PCDH11X: variants seen among roughly 807,000 people sequenced by gnomAD.
The protein encoded by PCDH11X is protocadherin-11 X-linked.
PCDH11X carries 18 observed loss-of-function variants against 53.3 expected under a neutral mutation model. That is an observed-to-expected ratio of 0.34 (90% CI 0.23 to 0.50). The LOEUF (loss-of-function observed/expected upper bound fraction) is 0.50, where lower values mean the gene tolerates loss of function less well. Among genes scored for constraint, PCDH11X ranks in the 20% least tolerant of loss-of-function variants. PCDH11X has a pLI of 0.98. For missense variants in PCDH11X, 570 were observed against 1,032.4 expected (o/e 0.55, Z 6.14); for synonymous variants, 279 against 393.3 (o/e 0.71, Z 3.44).
At chrX:92,595,980 T>C (rs1308184676) in intron 10 of PCDH11X, among the ~76,000 whole-genome samples, 2 of 110,187 alleles carry the variant, frequency 1.8e-5, no homozygotes, top group African/African-American at 6.6e-5. Flanking sequence ...GTCTAGCCAA[T>C]CTGAAGTGCT....
At chrX:91,833,164 G>A (rs968290739) in intron 4 of PCDH11X, among the ~76,000 whole-genome samples, 1 of 104,935 alleles carries the variant, frequency 9.5e-6, no homozygotes, top group African/African-American at 3.5e-5. Flanking sequence ...ATACCTAAGG[G>A]TAAGATAAGA....
intron 8 of PCDH11X, among the ~76,000 whole-genome samples, chrX:92,371,008 C>T (rs1394258880): frequency 8.9e-6 from 1 of 111,745 alleles, no homozygotes; most frequent in African/African-American, 3.3e-5. Flanking sequence ...CTATTGCTTA[C>T]TATTAGCATA....
intron 6 of PCDH11X, among the ~76,000 whole-genome samples, chrX:92,166,862 C>T (rs2065741144): frequency 9.0e-6 from 1 of 111,393 alleles, no homozygotes; most frequent in East Asian, 2.8e-4. Flanking sequence ...AATGCCACTC[C>T]ACTCCAGCCT....
rs61411325 is a variant in PCDH11X at position 92,563,047 on chromosome X, G to GTTT, written c.3368-55185_3368-55183dup. 2.6e-3 allele frequency among the ~76,000 whole-genome samples: 114 copies of GTTT among 43,879 alleles called. 3 individuals are homozygous for GTTT. The highest frequency in any genetic ancestry group is 3.9e-3 in the Non-Finnish European group (103 of 26,537). The allele number at this position is 43,879 out of a possible 115,157, so 38.1% of individuals were successfully genotyped here. ...GAAAAATTCCCAACTCCTTGGTACC[G>GTTT]TTTTTTTTTTTTTTTTTTTTTTTTT... On this transcript the variant is annotated intron_variant, in intron 10 of 10. Transcript: ENST00000682573.
chrX:91,934,666 A>C (rs2061424695), intron 6 of PCDH11X, among the ~76,000 whole-genome samples: 1 of 102,927 alleles, frequency 9.7e-6, no homozygotes, highest in South Asian at 4.8e-4. Flanking sequence ...TATGATTTTA[A>C]AATTCTACTT....
At chrX:91,932,758 G>C in intron 6 of PCDH11X, among the ~76,000 whole-genome samples, 1 of 111,278 alleles carries the variant, frequency 9.0e-6, no homozygotes. Context: ...AGACTTAACT[G>C]TGTACTGAAA....
At chrX:91,825,640 G>A (rs1019955819) in intron 4 of PCDH11X, among the ~76,000 whole-genome samples, 14 of 110,010 alleles carry the variant, frequency 1.3e-4, no homozygotes, top group South Asian at 3.8e-4. Context: ...TGTCTTCTGC[G>A]TCGCTCAGGC....
At chrX:91,944,322 G>GA (rs369442347) in intron 6 of PCDH11X, among the ~76,000 whole-genome samples, 902 of 74,594 alleles carry the variant, frequency 0.012, 4 homozygotes, top group African/African-American at 0.023. Context: ...CTATACTCCA[G>GA]AAAAAAAAAA....
At chrX:91,842,201 A>G (rs1353897797) in intron 5 of PCDH11X, among the ~76,000 whole-genome samples, 7 of 110,766 alleles carry the variant, frequency 6.3e-5, no homozygotes, top group Non-Finnish European at 1.1e-4. Flanking sequence ...TAAATAATCT[A>G]GTAGCCTAAT....
intron 6 of PCDH11X, among the ~76,000 whole-genome samples, chrX:92,040,661 T>C (rs376707196): frequency 1.8e-5 from 2 of 110,861 alleles, no homozygotes. Flanking sequence ...ACCTGATTTT[T>C]GACCTTATGA....
intron 6 of PCDH11X, among the ~76,000 whole-genome samples, chrX:91,972,143 A>C (rs1445875011): frequency 7.7e-5 from 8 of 103,887 alleles, no homozygotes; most frequent in Non-Finnish European, 1.6e-4. Context: ...TGCCATTCTA[A>C]CTGGTGTGAG....
intron 7 of PCDH11X, among the ~76,000 whole-genome samples, chrX:92,258,367 C>A (rs1006624683): frequency 2.2e-5 from 2 of 89,746 alleles, no homozygotes; most frequent in Non-Finnish European, 2.2e-5. Context: ...ATGCAAATTT[C>A]TTTTTTTTTT....
intron 6 of PCDH11X, among the ~76,000 whole-genome samples, chrX:92,054,820 CAAA>C (rs1174448342): frequency 0.078 from 1,964 of 25,036 alleles, 27 homozygotes; most frequent in African/African-American, 0.17. Context: ...AACTCTGTCT[CAAA>C]AAAAAAAAAA....
At position 91,983,295 on chromosome X, in the gene PCDH11X, A is replaced by G. The variant is rs1602616619; in HGVS notation, c.3033+104022A>G. The G allele has an allele frequency of 4.3e-6, 4 of 923,626 alleles. No homozygotes were observed. The East Asian group carries it at 1.2e-4, about 29-fold the overall frequency. 76.1% of individuals were successfully genotyped at this position (923,626 alleles called of 1,213,427 possible). A position where few individuals can be genotyped will look rare whatever the true frequency, so the allele number is the denominator to read the frequency against. Reference sequence around the variant, plus strand: ...TTGTCGGTGTTCTATTTCTCTGTAAACGTCAGGCCGTACTCAGTCCATCTG... The same window carrying G: ...TTGTCGGTGTTCTATTTCTCTGTAAGCGTCAGGCCGTACTCAGTCCATCTG... On this transcript the variant is annotated intron_variant, in intron 6 of 10. Coordinates refer to ENST00000682573, the MANE Select transcript of PCDH11X (RefSeq NM_032968.5).
chrX:92,528,002 A>G (rs2074487164), intron 10 of PCDH11X, among the ~76,000 whole-genome samples: 1 of 112,028 alleles, frequency 8.9e-6, no homozygotes. Context: ...GGCATTCTAC[A>G]TTTCAGGGTG....
At chrX:92,546,346 A>G (rs1434578231) in intron 10 of PCDH11X, among the ~76,000 whole-genome samples, 2 of 111,629 alleles carry the variant, frequency 1.8e-5, no homozygotes, top group Non-Finnish European at 3.8e-5. Context: ...ACTCTATACT[A>G]TCAGAGAAGA....
chrX:91,827,115 G>A (rs924775309), intron 4 of PCDH11X, among the ~76,000 whole-genome samples: 7 of 111,203 alleles, frequency 6.3e-5, no homozygotes, highest in Non-Finnish European at 1.1e-4. Context: ...CTGCAACCTC[G>A]CCAGCATATG....
intron 6 of PCDH11X, among the ~76,000 whole-genome samples, chrX:92,142,162 T>TTC (rs2065190783): frequency 9.4e-6 from 1 of 106,464 alleles, no homozygotes; most frequent in African/African-American, 3.5e-5. Context: ...ATTATTATTT[T>TTC]TTTTTTTTTT....
At chrX:91,999,980 A>C (rs972819915) in intron 6 of PCDH11X, among the ~76,000 whole-genome samples, 1 of 111,271 alleles carries the variant, frequency 9.0e-6, no homozygotes, top group Non-Finnish European at 1.9e-5. Flanking sequence ...CTGGCAAAGT[A>C]AGTCTAGGTT....
Sources: gnomAD v4.1 joint callset for allele counts (sites outside exome capture counted in the v4.1 genomes callset) on GRCh38, gnomAD v4.1.1 for gene constraint, MANE v1.5 for transcripts, NCBI Gene and HGNC (gene_info 2026-07-23, HGNC 2026-07-21) for gene names.